The following ARHGEF10 variants were observed in gnomAD, a reference collection of about 807,000 sequenced individuals.
ARHGEF10 encodes the protein Rho guanine nucleotide exchange factor (GEF) 10.
Under a neutral mutation model 147.4 loss-of-function variants are expected in ARHGEF10, and 140 were observed. The observed-to-expected ratio is 0.95, with a 90% CI of 0.83 to 1.09. The LOEUF is 1.09. ARHGEF10 is among the 50% of genes least tolerant of loss of function. The pLI is 0.00. For synonymous variants in ARHGEF10, 902 were observed against 695.8 expected, an observed-to-expected ratio of 1.30 and a Z score of -4.67; for missense variants, 2,222 against 1,752.7, an observed-to-expected ratio of 1.27 and a Z score of -4.78.
intron 22 of ARHGEF10, 23 bp from the exon 23 acceptor site, chr8:1,926,354 C>T (rs750323889): frequency 1.1e-5 from 18 of 1,590,488 alleles, no homozygotes; most frequent in Middle Eastern, 1.7e-4. Flanking sequence ...TATATGTGAG[C>T]GTTTGATTTT....
intron 27 of ARHGEF10, 66 bp from the exon 28 acceptor site, chr8:1,952,639 C>T: frequency 6.2e-7 from 1 of 1,602,268 alleles, no homozygotes; most frequent in Non-Finnish European, 8.5e-7. Context: ...TTCCAGCACC[C>T]CGTCACCGCC....
intron 9 of ARHGEF10, 120 bp from the exon 10 acceptor site, chr8:1,882,515 A>T: frequency 1.2e-6 from 1 of 856,614 alleles, no homozygotes; most frequent in Non-Finnish European, 1.9e-6. Context: ...CCAGAACTGC[A>T]CGTGACACAT....
chr8:1,920,958 G>C (rs1297693797), intron 18 of ARHGEF10, among the ~76,000 whole-genome samples: 1 of 152,052 alleles, frequency 6.6e-6, no homozygotes, highest in Non-Finnish European at 1.5e-5. Context: ...AGCTAATTTT[G>C]TATTTTTAGT....
At chr8:1,947,266 G>A (rs921988265) in intron 27 of ARHGEF10, among the ~76,000 whole-genome samples, 12 of 152,154 alleles carry the variant, frequency 7.9e-5, no homozygotes, top group African/African-American at 2.4e-4. Flanking sequence ...TCGACCTCCC[G>A]TGGGCTCCAG....
Position 1,909,325 on chromosome 8 carries a change from C to T in ARHGEF10, c.1998C>T (p.Ser666=), listed in dbSNP as rs745940044. The change falls in exon 18 of 29, where the codon AGC becomes AGT. Residue 666 remains serine (S), a synonymous_variant. Coordinates refer to ENST00000349830, the MANE Select transcript of ARHGEF10 (RefSeq NM_014629.4). ...CTCATGACAGCCGTGTGATGAGCAG[C>T]CAGAGGTACTTGCTGAAGTGGAGCG... ...RPSHDSRVMS[S]QRYLLKWSVP... is the part of the protein sequence containing the mutation. 2 of 1,614,196 alleles carry T rather than the reference C, an allele frequency of 1.2e-6. No individual in the cohort carries two copies. The highest frequency in any genetic ancestry group is 1.7e-6 in the Non-Finnish European group (2 of 1,180,038).
intron 25 of ARHGEF10, among the ~76,000 whole-genome samples, chr8:1,929,729 T>C (rs1395032939): frequency 6.6e-6 from 1 of 152,178 alleles, no homozygotes; most frequent in East Asian, 1.9e-4. Flanking sequence ...CACCGGGCCA[T>C]GCAGAGCCTC....
At chr8:1,950,063 C>T (rs970919118) in intron 27 of ARHGEF10, among the ~76,000 whole-genome samples, 1 of 152,128 alleles carries the variant, frequency 6.6e-6, no homozygotes, top group Admixed American at 6.5e-5. Context: ...CACGGAGTCA[C>T]CATCCAGCAG....
intron 1 of ARHGEF10, among the ~76,000 whole-genome samples, chr8:1,833,003 GGCAGAGAGAGACAGAGGCAGAGAC>G (rs1803306214): frequency 2.2e-4 from 1 of 4,630 alleles, no homozygotes; most frequent in Non-Finnish European, 5.4e-4. Context: ...GGCAGAGACA[GGCAGAGAGAGACAGAGGCAGAGAC>G]AGGCAGAGAG....
intron 15 of ARHGEF10, among the ~76,000 whole-genome samples, chr8:1,899,671 G>C (rs1011242237): frequency 6.6e-6 from 1 of 152,156 alleles, no homozygotes; most frequent in South Asian, 2.1e-4. Flanking sequence ...TGTGCAGTTT[G>C]CCTGTATTAC....
At chr8:1,945,886 C>CTGGGAGGAGCCGCGTGA (rs1814543563) in intron 27 of ARHGEF10, 2 of 731,174 alleles carry the variant, frequency 2.7e-6, no homozygotes, top group East Asian at 5.4e-5. Context: ...GAGCCGCGTG[C>CTGGGAGGAGCCGCGTGA]TGGGAGGAGC....
intron 9 of ARHGEF10, 151 bp from the exon 10 acceptor site, chr8:1,882,484 A>G (rs748485704): frequency 4.0e-6 from 3 of 751,926 alleles, no homozygotes; most frequent in Non-Finnish European, 4.7e-6. Context: ...TCCAACAAAC[A>G]AAACCAAAAC....
In ARHGEF10 at chr8:1,885,587, A is replaced by G. The variant is rs1808586157; in HGVS notation, c.1076-14A>G. ...TTGAATGTAAAATTCATGCATTTTG[A>G]CTTTTTTTTTAAGATCACAGATCTT... On this transcript the variant is annotated splice_polypyrimidine_tract_variant and intron_variant, in intron 10 of 28. Coordinates refer to ENST00000349830, the MANE Select transcript of ARHGEF10 (RefSeq NM_014629.4). The G allele has an allele frequency of 1.9e-6, 3 of 1,562,984 alleles. No individual in the cohort carries two copies. The highest frequency in any genetic ancestry group is 1.4e-5 in the African/African-American group (1 of 73,826).
intron 17 of ARHGEF10, among the ~76,000 whole-genome samples, chr8:1,906,288 G>A (rs1242733924): frequency 6.6e-6 from 1 of 152,200 alleles, no homozygotes; most frequent in East Asian, 1.9e-4. Flanking sequence ...TCCTGGTGCT[G>A]TAGAAAATAA....
At chr8:1,923,110 C>T (rs759511942) in intron 19 of ARHGEF10, 31 bp downstream of exon 19, 4 of 1,466,332 alleles carry the variant, frequency 2.7e-6, no homozygotes, top group African/African-American at 2.8e-5. Context: ...ATTTAAGATT[C>T]TGCCTTTACT....
At chr8:1,908,888 C>A (rs1470307217) in intron 17 of ARHGEF10, among the ~76,000 whole-genome samples, 1 of 152,098 alleles carries the variant, frequency 6.6e-6, no homozygotes, top group Non-Finnish European at 1.5e-5. Flanking sequence ...ACAGTGTAGC[C>A]ATAAAAGAAT....
intron 28 of ARHGEF10, among the ~76,000 whole-genome samples, chr8:1,955,336 A>ACT (rs879570950): frequency 0.12 from 16,979 of 137,900 alleles, 107 homozygotes; most frequent in East Asian, 0.18. Flanking sequence ...AAGGAGGTGC[A>ACT]CTCACTGTGT....
At chr8:1,901,075 T>C (rs889691305) in intron 15 of ARHGEF10, among the ~76,000 whole-genome samples, 3 of 152,010 alleles carry the variant, frequency 2.0e-5, no homozygotes, top group Non-Finnish European at 4.4e-5. Flanking sequence ...GAGGCAGAGT[T>C]GGAAACAAGG....
At chr8:1,845,458 T>C (rs909982878) in intron 2 of ARHGEF10, among the ~76,000 whole-genome samples, 6 of 152,158 alleles carry the variant, frequency 3.9e-5, no homozygotes, top group Non-Finnish European at 8.8e-5. Flanking sequence ...TATGGTGCCT[T>C]GACATGCTGA....
chr8:1,882,533 C>G (rs1430652720), intron 9 of ARHGEF10, 102 bp from the exon 10 acceptor site: 19 of 1,030,022 alleles, frequency 1.8e-5, no homozygotes, highest in Non-Finnish European at 2.8e-5. Context: ...CATGCGCTCA[C>G]AAGAACCAGA....
Sources: gnomAD v4.1 joint callset for allele counts (sites outside exome capture counted in the v4.1 genomes callset) on GRCh38, gnomAD v4.1.1 for gene constraint, MANE v1.5 for transcripts, NCBI Gene and HGNC (gene_info 2026-07-23, HGNC 2026-07-21) for gene names.